DLG2: variants seen among roughly 807,000 people sequenced by gnomAD.
DLG2 encodes the protein disks large homolog 2.
A neutral mutation model predicts 132.5 loss-of-function variants in DLG2; 45 were observed. The ratio of observed to expected loss-of-function variants is 0.34; its 90% CI spans 0.27 to 0.44. DLG2 has a LOEUF of 0.44. Ranked by LOEUF, DLG2 falls within the 20% of genes least tolerant of loss-of-function variation. The pLI, the probability that DLG2 is intolerant of heterozygous loss-of-function variation, is 1.00. For missense variants in DLG2, 1,045 were observed against 1,196.9 expected (o/e 0.87, Z 1.87); for synonymous variants, 424 against 419.6 (o/e 1.01, Z -0.13).
At chr11:83,901,612 T>G (rs2200206) in intron 15 of DLG2, among the ~76,000 whole-genome samples, 31,950 of 152,186 alleles carry the variant, frequency 0.21, 3,527 homozygotes, top group East Asian at 0.37. Flanking sequence ...TTCCCAGCCA[T>G]GTGGAACTGT....
chr11:84,810,862 ATTAT>A lies in DLG2; in HGVS notation c.358-276135_358-276132del, dbSNP rs763288673. On this transcript the variant is annotated intron_variant, in intron 6 of 27. Coordinates refer to ENST00000376104, the MANE Select transcript of DLG2 (RefSeq NM_001142699.3). ...TGTATGATGATTTCATTTGTATAACATTATTTAAAGTGACGATATTATAGAAATG... is the reference window on the plus strand; with the variant it reads ...TGTATGATGATTTCATTTGTATAACATTAAAGTGACGATATTATAGAAATG... Among the ~76,000 whole-genome samples, 126 of 152,310 alleles carry A rather than the reference ATTAT, an allele frequency of 8.3e-4. 1 individual carries two copies. The highest frequency in any genetic ancestry group is 6.8e-3 in the Middle Eastern group (2 of 294).
At chr11:85,474,962 A>T (rs1169503060) in intron 3 of DLG2, among the ~76,000 whole-genome samples, 2 of 151,636 alleles carry the variant, frequency 1.3e-5, no homozygotes, top group African/African-American at 4.8e-5. Context: ...GAAAAATATA[A>T]AATCAAAGAA....
rs118170102 is a variant in DLG2, at chr11:85,003,253, G to A, written c.357+108408C>T. ...CAAGAACCACTTGTTTGAATACAAC[G>A]TAAATAACACAAAAAATTTCTGGGA... On this transcript the variant is annotated intron_variant, in intron 6 of 27. Coordinates refer to ENST00000376104, the MANE Select transcript of DLG2 (RefSeq NM_001142699.3). Among the ~76,000 whole-genome samples the A allele has an allele frequency of 2.9e-3, 444 of 152,112 alleles. 4 individuals are homozygous for A. Among genetic ancestry groups the A allele is most frequent in the Non-Finnish European group, 5.2e-3 (354 of 67,980 alleles).
chr11:83,842,929 A>G (rs10898157), intron 16 of DLG2, among the ~76,000 whole-genome samples: 53,567 of 151,870 alleles, frequency 0.35, 9,841 homozygotes, highest in Middle Eastern at 0.52. Flanking sequence ...AAGTTACTCC[A>G]GTCAAATCCT....
At chr11:84,870,137 A>C (rs540087469) in intron 6 of DLG2, among the ~76,000 whole-genome samples, 1 of 152,348 alleles carries the variant, frequency 6.6e-6, no homozygotes, top group African/African-American at 2.4e-5. Flanking sequence ...TATGGAGTAC[A>C]TATATGCCAT....
chr11:84,709,945 A>T (rs1173505693), intron 6 of DLG2, among the ~76,000 whole-genome samples: 1 of 151,916 alleles, frequency 6.6e-6, no homozygotes, highest in Non-Finnish European at 1.5e-5. Context: ...ACCTAAAGAC[A>T]TCATTGGTTC....
Position 85,620,938 on chromosome 11 carries a change from C to T in DLG2, c.-93+5649G>A, listed in dbSNP as rs150240077. 4.1e-4 allele frequency among the ~76,000 whole-genome samples: 63 copies of T among 152,328 alleles called. 1 individual carries two copies. In the East Asian group the frequency reaches 0.011, roughly 27 times the overall value. On this transcript the variant is annotated intron_variant, in intron 2 of 27. Coordinates refer to ENST00000376104, the MANE Select transcript of DLG2 (RefSeq NM_001142699.3). ...TTTCAATTCAGACAAAATAGCCTTA[C>T]ATCAGAAGAAAATGCTAGAGAGAAA...
chr11:85,039,094 G>A (rs2061637858), intron 6 of DLG2, among the ~76,000 whole-genome samples: 1 of 151,780 alleles, frequency 6.6e-6, no homozygotes, highest in Admixed American at 6.6e-5. Flanking sequence ...AGTCATTTTA[G>A]ATTCTAGTAA....
intron 3 of DLG2, among the ~76,000 whole-genome samples, chr11:85,435,648 A>G (rs995717927): frequency 6.6e-6 from 1 of 152,216 alleles, no homozygotes; most frequent in African/African-American, 2.4e-5. Context: ...ACCACTGCTC[A>G]AGGAAATAAG....
At chr11:84,571,401 C>T (rs1333072053) in intron 6 of DLG2, among the ~76,000 whole-genome samples, 1 of 151,696 alleles carries the variant, frequency 6.6e-6, no homozygotes, top group Admixed American at 6.6e-5. Context: ...TTTTCCTTCT[C>T]TTGTATTCAG....
At chr11:84,034,944 C>A (rs142840149) in intron 11 of DLG2, among the ~76,000 whole-genome samples, 110 of 152,264 alleles carry the variant, frequency 7.2e-4, no homozygotes, top group African/African-American at 2.4e-3. Context: ...TCAATGCAAG[C>A]TTTTCTTTCT....
At chr11:84,448,085 T>C (rs2099040759) in intron 7 of DLG2, among the ~76,000 whole-genome samples, 1 of 152,106 alleles carries the variant, frequency 6.6e-6, no homozygotes, top group Non-Finnish European at 1.5e-5. Flanking sequence ...TGCAATTCAA[T>C]ATCTTTAAAT....
chr11:84,769,343 A>G (rs1372682226), intron 6 of DLG2, among the ~76,000 whole-genome samples: 3 of 152,318 alleles, frequency 2.0e-5, no homozygotes, highest in South Asian at 4.1e-4. Flanking sequence ...TTAAAATACA[A>G]TTGAAAGCTT....
intron 7 of DLG2, among the ~76,000 whole-genome samples, chr11:84,414,500 A>G (rs974916725): frequency 6.6e-6 from 1 of 152,170 alleles, no homozygotes; most frequent in Non-Finnish European, 1.5e-5. Context: ...AATAATATAC[A>G]TAGTAAATTC....
At chr11:83,790,373 G>A (rs2041211217) in intron 17 of DLG2, 1 of 889,946 alleles carries the variant, frequency 1.1e-6, no homozygotes, top group Admixed American at 1.9e-5. Context: ...AGAACCATCT[G>A]GCAGGACTGC....
At chr11:85,487,485 G>A (rs1292285895) in intron 3 of DLG2, among the ~76,000 whole-genome samples, 2 of 140,954 alleles carry the variant, frequency 1.4e-5, no homozygotes, top group African/African-American at 5.2e-5. Flanking sequence ...TTTCTAAAAA[G>A]AACCAAATAG....
chr11:85,379,468 T>C (rs976368950), intron 3 of DLG2, among the ~76,000 whole-genome samples: 1 of 152,106 alleles, frequency 6.6e-6, no homozygotes, highest in Middle Eastern at 3.2e-3. Context: ...GACTTAAGAG[T>C]GGAACGATAA....
chr11:84,203,540 C>T (rs1473207987), intron 8 of DLG2, among the ~76,000 whole-genome samples: 1 of 136,820 alleles, frequency 7.3e-6, no homozygotes, highest in African/African-American at 2.7e-5. Context: ...CGAGATTGAG[C>T]CACTGCACTC....
intron 6 of DLG2, among the ~76,000 whole-genome samples, chr11:84,623,873 A>C (rs2154542263): frequency 6.6e-6 from 1 of 152,328 alleles, no homozygotes; most frequent in East Asian, 1.9e-4. Context: ...TCAGTATTGC[A>C]ACAACTATTA....
Sources: gnomAD v4.1 joint callset for allele counts (sites outside exome capture counted in the v4.1 genomes callset) on GRCh38, gnomAD v4.1.1 for gene constraint, MANE v1.5 for transcripts, NCBI Gene and HGNC (gene_info 2026-07-23, HGNC 2026-07-21) for gene names.